Variants in SHISA9 observed in about 807,000 individuals in gnomAD.
SHISA9 encodes the protein protein shisa-9.
In SHISA9, 13 loss-of-function variants were observed where a neutral mutation model predicts 38.0. That is an observed-to-expected ratio of 0.34 (90% CI 0.22 to 0.54). The LOEUF (loss-of-function observed/expected upper bound fraction) is 0.54. SHISA9 is among the 20% of genes least tolerant of loss of function. The pLI, the probability that SHISA9 is intolerant of heterozygous loss-of-function variation, is 0.91. For synonymous variants in SHISA9, 275 were observed against 242.0 expected (o/e 1.14, Z -1.27); for missense variants, 538 against 575.8 (o/e 0.93, Z 0.67).
intron 2 of SHISA9, among the ~76,000 whole-genome samples, chr16:13,096,623 C>A (rs1292626181): frequency 2.0e-5 from 3 of 152,120 alleles, no homozygotes; most frequent in African/African-American, 4.8e-5. Context: ...TGTAGTTATC[C>A]AAAAGCCTTT....
intron 2 of SHISA9, among the ~76,000 whole-genome samples, chr16:12,956,693 A>T (rs2071839633): frequency 6.6e-6 from 1 of 152,168 alleles, no homozygotes; most frequent in African/African-American, 2.4e-5. Context: ...GGTCATAAAG[A>T]TGGCAATAAT....
the SHISA9 span, among the ~76,000 whole-genome samples, chr16:13,286,296 T>A: frequency 9.9e-4 from 151 of 152,164 alleles, 2 homozygotes; most frequent in Non-Finnish European, 4.0e-4. Flanking sequence ...CAGGCATGCA[T>A]CCTTAACTTT....
intron 2 of SHISA9, among the ~76,000 whole-genome samples, chr16:13,008,415 C>T (rs904267485): frequency 1.3e-5 from 2 of 152,096 alleles, no homozygotes; most frequent in African/African-American, 2.4e-5. Flanking sequence ...TAAGATAGTG[C>T]CTTGTATGGT....
chr16:13,456,449 T>C, the SHISA9 span, among the ~76,000 whole-genome samples: 1 of 152,234 alleles, frequency 6.6e-6, no homozygotes, highest in Non-Finnish European at 1.5e-5. Flanking sequence ...GAGAAATGAA[T>C]GAATGAATCG....
intron 2 of SHISA9, among the ~76,000 whole-genome samples, chr16:13,097,791 T>C (rs1247141930): frequency 6.6e-6 from 1 of 151,898 alleles, no homozygotes; most frequent in Non-Finnish European, 1.5e-5. Context: ...TGATGGGGAG[T>C]GGACAGGAAT....
intron 2 of SHISA9, among the ~76,000 whole-genome samples, chr16:13,091,880 C>T (rs554040411): frequency 2.0e-4 from 31 of 152,290 alleles, no homozygotes; most frequent in South Asian, 1.0e-3. Context: ...GGAGAAGAGG[C>T]GCTCTGGTTT....
chr16:13,240,435 G>A (rs1019788189), downstream of SHISA9: 1 of 152,222 alleles, frequency 6.6e-6, no homozygotes, highest in Non-Finnish European at 1.5e-5. Flanking sequence ...GGATTGTCAT[G>A]TATCTTTCTA....
At chr16:12,928,512 A>G (rs1431893039) in intron 2 of SHISA9, among the ~76,000 whole-genome samples, 1 of 152,238 alleles carries the variant, frequency 6.6e-6, no homozygotes, top group Admixed American at 6.5e-5. Flanking sequence ...ACAATTACTG[A>G]TCACAAATAC....
the SHISA9 span, chr16:13,458,289 G>A: frequency 4.3e-6 from 1 of 234,440 alleles, no homozygotes; most frequent in Non-Finnish European, 8.4e-6. Flanking sequence ...TGGCTCTCAG[G>A]GGATCATGGG....
the SHISA9 span, among the ~76,000 whole-genome samples, chr16:13,456,142 G>A: frequency 1.3e-5 from 2 of 152,152 alleles, no homozygotes; most frequent in African/African-American, 4.8e-5. Context: ...TTGAAATCTG[G>A]CTAGTGACTC....
chr16:13,557,756 G>A, the SHISA9 span, among the ~76,000 whole-genome samples: 1 of 152,246 alleles, frequency 6.6e-6, no homozygotes, highest in South Asian at 2.1e-4. Context: ...TACCCAGGAA[G>A]GAGATGAACG....
At chr16:13,470,604 T>G in the SHISA9 span, among the ~76,000 whole-genome samples, 1 of 152,272 alleles carries the variant, frequency 6.6e-6, no homozygotes, top group Non-Finnish European at 1.5e-5. Flanking sequence ...GGGAAACTGC[T>G]GCCGTGATTC....
the SHISA9 span, among the ~76,000 whole-genome samples, chr16:13,366,866 C>G: frequency 2.6e-5 from 4 of 151,732 alleles, no homozygotes; most frequent in African/African-American, 2.4e-5. Flanking sequence ...GCCTGTAATC[C>G]TAGCTACTCA....
At chr16:13,340,971 G>A in the SHISA9 span, among the ~76,000 whole-genome samples, 2 of 152,092 alleles carry the variant, frequency 1.3e-5, no homozygotes, top group East Asian at 3.8e-4. Flanking sequence ...GTCTACTGTG[G>A]GTTTTCATTG....
the SHISA9 span, among the ~76,000 whole-genome samples, chr16:13,502,888 T>C: frequency 2.0e-5 from 3 of 151,192 alleles, no homozygotes; most frequent in Non-Finnish European, 4.4e-5. Flanking sequence ...AAAAAATAAG[T>C]AAATAAAAAA....
At chr16:13,200,544 C>T (rs534917737) in intron 2 of SHISA9, among the ~76,000 whole-genome samples, 1 of 152,130 alleles carries the variant, frequency 6.6e-6, no homozygotes, top group South Asian at 2.1e-4. Context: ...CTGACATGCC[C>T]AGGGGAAGCA....
intron 2 of SHISA9, among the ~76,000 whole-genome samples, chr16:12,952,263 T>A (rs2071767917): frequency 6.6e-6 from 1 of 152,230 alleles, no homozygotes. Context: ...GAACTTTCTG[T>A]GACCTGTTTA....
the SHISA9 span, among the ~76,000 whole-genome samples, chr16:13,479,155 G>C: frequency 6.6e-6 from 1 of 152,102 alleles, no homozygotes; most frequent in South Asian, 2.1e-4. Flanking sequence ...GCGCCTATCA[G>C]TTTCCTTTGT....
intron 2 of SHISA9, among the ~76,000 whole-genome samples, chr16:12,987,056 T>C (rs2072320473): frequency 6.6e-6 from 1 of 152,190 alleles, no homozygotes. Context: ...TCCCAGTATC[T>C]GCCGAGGAAC....
Sources: allele counts gnomAD v4.1 joint callset (sites outside exome capture counted in the v4.1 genomes callset), GRCh38; gene constraint gnomAD v4.1.1; transcripts MANE v1.5; gene names NCBI Gene and HGNC (gene_info 2026-07-23, HGNC 2026-07-21).